The following CFAP47 variants were observed in gnomAD, a reference collection of about 807,000 sequenced individuals.
CFAP47 encodes cilia and flagella associated protein 47, also known as cilia- and flagella-associated protein 47.
CFAP47 carries 29 observed loss-of-function variants against 148.1 expected under a neutral mutation model. The ratio of observed to expected loss-of-function variants is 0.20; its 90% CI spans 0.15 to 0.27. CFAP47 has a LOEUF of 0.27. Among genes scored for constraint, CFAP47 ranks in the 10% least tolerant of loss-of-function variants. CFAP47 has a pLI of 1.00. For missense variants in CFAP47, 1,872 were observed against 1,697.5 expected (o/e 1.10, Z -1.81); for synonymous variants, 664 against 577.3 (o/e 1.15, Z -2.15).
At chrX:36,159,378 GTTGTCTTTT>G (rs1219141483) in intron 37 of CFAP47, 39 bp from the exon 38 acceptor site, 1 of 293,817 alleles carries the variant, frequency 3.4e-6, no homozygotes, top group African/African-American at 2.7e-5. Flanking sequence ...ATGCTTGTAA[GTTGTCTTTT>G]TTGTTAAAAC....
rs782437444 is a variant in CFAP47 at position 36,196,949 on chromosome X, A to T, written c.6322-3430A>T. Among the ~76,000 whole-genome samples, 3 of 111,704 alleles carry T rather than the reference A, an allele frequency of 2.7e-5. No homozygotes were observed. In the East Asian group the frequency reaches 8.5e-4, roughly 32 times the overall value. On this transcript the variant is annotated intron_variant, in intron 42 of 63. Transcript: ENST00000378653. The stretch of plus-strand genomic sequence containing the variant: ...TCTACTTTAAAACAGCTTTTTATTT[A>T]TTGCATTTCTGTGCCTTTCATGGTC...
At chrX:36,261,017 G>A (rs1940810847) in intron 49 of CFAP47, among the ~76,000 whole-genome samples, 2 of 110,962 alleles carry the variant, frequency 1.8e-5, no homozygotes, top group South Asian at 3.8e-4. Flanking sequence ...ATAGCTGTAG[G>A]GGTTCAGCTT....
chrX:36,186,660 T>C (rs1436842250), intron 40 of CFAP47, among the ~76,000 whole-genome samples: 3 of 111,649 alleles, frequency 2.7e-5, no homozygotes, highest in African/African-American at 9.8e-5. Flanking sequence ...AGGAAATCAC[T>C]TTTTGGGTTG....
chrX:36,058,360 T>C (rs1191024371), intron 26 of CFAP47, among the ~76,000 whole-genome samples: 1 of 112,065 alleles, frequency 8.9e-6, no homozygotes, highest in Non-Finnish European at 1.9e-5. Context: ...TTAAAAGACG[T>C]ATTAAAAATT....
Position 36,080,115 on chromosome X carries a change from G to A in CFAP47, c.4692-5199G>A, listed in dbSNP as rs938480914. On this transcript the variant is annotated intron_variant, in intron 29 of 63. Transcript: ENST00000378653. ...ATCAAACAACCCCATCAAAAAGTGG[G>A]CAAAGGATATGAGGAGACGATTTTC... Among the ~76,000 whole-genome samples the A allele has an allele frequency of 2.7e-5, 3 of 111,555 alleles. No individual in the cohort carries two copies. In the South Asian group the frequency reaches 1.1e-3, roughly 42 times the overall value.
intron 33 of CFAP47, among the ~76,000 whole-genome samples, chrX:36,133,407 C>T (rs1185179330): frequency 2.7e-5 from 3 of 110,518 alleles, no homozygotes; most frequent in Non-Finnish European, 5.7e-5. Flanking sequence ...CTGGAAAGTC[C>T]AAGATAATTA....
intron 26 of CFAP47, among the ~76,000 whole-genome samples, chrX:36,048,046 A>G (rs1937487570): frequency 9.0e-6 from 1 of 111,392 alleles, no homozygotes; most frequent in Non-Finnish European, 1.9e-5. Flanking sequence ...TTAACTCCTT[A>G]TCTGGTTTTC....
At chrX:36,243,647 G>GTATATA (rs58640112) in intron 48 of CFAP47, among the ~76,000 whole-genome samples, 736 of 64,117 alleles carry the variant, frequency 0.011, 18 homozygotes, top group Non-Finnish European at 0.019. Flanking sequence ...ATATGTGTGT[G>GTATATA]TATATATATA....
rs1939849718 is a variant in CFAP47, at chrX:36,190,084, G to A, written c.6209G>A (p.Cys2070Tyr). The change falls in exon 42 of 64, where the codon TGC becomes TAC. Residue 2070 changes from cysteine to tyrosine, a missense_variant. Cys to Tyr is a radical substitution (Grantham distance 194). Coordinates refer to ENST00000378653, the MANE Select transcript of CFAP47 (RefSeq NM_001304548.2). The stretch of plus-strand genomic sequence containing the variant: ...TCCACTTTTATCAGAGAGTTCTTCT[G>A]CTCCATGCATACTGTTCACCTGGGA... ...IKSTFIREFF[C>Y]SMHTVHLGVK... is the part of the protein sequence containing the mutation. 3.4e-6 allele frequency: 1 copy of A among 297,820 alleles called. No homozygotes were observed. The allele number at this position is 297,820 out of a possible 1,213,427, so 24.5% of individuals were successfully genotyped here. A position where few individuals can be genotyped will look rare whatever the true frequency, so the allele number is the denominator to read the frequency against.
At chrX:35,924,139 G>A (rs1201444330) in intron 1 of CFAP47, among the ~76,000 whole-genome samples, 4 of 97,221 alleles carry the variant, frequency 4.1e-5, no homozygotes, top group African/African-American at 1.3e-4. Context: ...ATGTATATGT[G>A]TACATGTATG....
At chrX:36,301,263 C>A in intron 53 of CFAP47, 84 bp downstream of exon 53, 2 of 521,827 alleles carry the variant, frequency 3.8e-6, no homozygotes, top group Non-Finnish European at 6.1e-6. Context: ...CATTCAGTTT[C>A]TAAAATAAAG....
At chrX:35,967,932 CAAT>C (rs112359946) in intron 10 of CFAP47, 100 bp downstream of exon 10, 3,362 of 275,510 alleles carry the variant, frequency 0.012, 25 homozygotes, top group African/African-American at 0.041. Flanking sequence ...CTAATGATTA[CAAT>C]AATAATAATA....
chrX:36,113,669 C>T (rs1327077638), intron 33 of CFAP47, among the ~76,000 whole-genome samples: 5 of 111,626 alleles, frequency 4.5e-5, no homozygotes, highest in Admixed American at 1.9e-4. Context: ...ATAGATGATA[C>T]CCTGAAATAT....
chrX:35,923,906 C>CAT (rs748975154), intron 1 of CFAP47, among the ~76,000 whole-genome samples: 2 of 60,248 alleles, frequency 3.3e-5, no homozygotes, highest in African/African-American at 1.6e-4. Context: ...TATATATGTA[C>CAT]ATGTGTATAT....
chrX:36,183,922 GT>G (rs899471004), intron 40 of CFAP47, among the ~76,000 whole-genome samples: 2 of 110,559 alleles, frequency 1.8e-5, no homozygotes, highest in Non-Finnish European at 3.8e-5. Flanking sequence ...GACCTGCTGT[GT>G]TTTTTTTCCA....
At chrX:36,211,318 G>A (rs189288075) in intron 45 of CFAP47, 38 of 254,720 alleles carry the variant, frequency 1.5e-4, no homozygotes, top group African/African-American at 1.0e-3. Context: ...GGCAGACAAG[G>A]CCTGTTATGA....
intron 2 of CFAP47, among the ~76,000 whole-genome samples, chrX:35,932,345 C>T (rs190100693): frequency 2.5e-4 from 26 of 104,912 alleles, no homozygotes; most frequent in African/African-American, 9.1e-4. Context: ...CTGAAACCTC[C>T]ACCTCCCAGG....
rs150945855 is a variant in CFAP47, at chrX:36,096,364, C to A, written c.4917-2429C>A. ...AACTTTTGGAAATATCTATTAGATC[C>A]ATTAGGTCTATAGTGCAGATGAAGT... On this transcript the variant is annotated intron_variant, in intron 30 of 63. Coordinates refer to ENST00000378653, the MANE Select transcript of CFAP47 (RefSeq NM_001304548.2). 5.6e-3 allele frequency among the ~76,000 whole-genome samples: 622 copies of A among 110,965 alleles called. 5 individuals are homozygous for A. The highest frequency in any genetic ancestry group is 0.019 in the African/African-American group (571 of 30,653).
chrX:36,208,014 G>A (rs1940057520), intron 45 of CFAP47, among the ~76,000 whole-genome samples: 1 of 111,520 alleles, frequency 9.0e-6, no homozygotes, highest in Non-Finnish European at 1.9e-5. Context: ...CTAGTATTTT[G>A]TATCGCTCTA....
Sources: gnomAD v4.1 joint callset for allele counts (sites outside exome capture counted in the v4.1 genomes callset) on GRCh38, gnomAD v4.1.1 for gene constraint, MANE v1.5 for transcripts, NCBI Gene and HGNC (gene_info 2026-07-23, HGNC 2026-07-21) for gene names.